Variants in VDAC1 observed in about 807,000 individuals in gnomAD.
VDAC1 encodes the protein voltage dependent anion channel 1.
Under a neutral mutation model 34.7 loss-of-function variants are expected in VDAC1, and 10 were observed. The observed-to-expected ratio is 0.29, with a 90% CI of 0.18 to 0.49. The LOEUF (loss-of-function observed/expected upper bound fraction) is 0.49, where lower values mean the gene tolerates loss of function less well. Ranked by LOEUF, VDAC1 falls within the 20% of genes least tolerant of loss-of-function variation. The probability of loss-of-function intolerance (pLI) is 0.99; values close to 1 mark genes in which losing one functional copy is unlikely to be tolerated. For missense variants in VDAC1, 230 were observed against 347.9 expected (o/e 0.66, Z 2.69); for synonymous variants, 130 against 136.0 (o/e 0.96, Z 0.30).
chr5:134,087,529 C>G, the VDAC1 span, among the ~76,000 whole-genome samples: 1 of 152,200 alleles, frequency 6.6e-6, no homozygotes, highest in Non-Finnish European at 1.5e-5. Context: ...AAAGGCAGTA[C>G]TCGCCTTCAT....
chr5:134,069,130 A>G, the VDAC1 span, among the ~76,000 whole-genome samples: 1 of 152,160 alleles, frequency 6.6e-6, no homozygotes, highest in Non-Finnish European at 1.5e-5. Context: ...CAGAAGAAAA[A>G]AAATGAATGT....
the VDAC1 span, among the ~76,000 whole-genome samples, chr5:134,069,283 C>T: frequency 3.9e-5 from 6 of 152,040 alleles, no homozygotes; most frequent in African/African-American, 7.2e-5. Flanking sequence ...GATGGAGGGG[C>T]CCATTTCAAT....
chr5:134,051,887 G>A, the VDAC1 span, among the ~76,000 whole-genome samples: 5 of 151,844 alleles, frequency 3.3e-5, no homozygotes, highest in Non-Finnish European at 7.4e-5. Flanking sequence ...TTGTAGAGAC[G>A]GGGTTTCACC....
the VDAC1 span, among the ~76,000 whole-genome samples, chr5:134,105,131 C>G: frequency 2.0e-5 from 3 of 152,328 alleles, no homozygotes; most frequent in South Asian, 6.2e-4. Context: ...GGATGACCAT[C>G]AGCAACCCTG....
intron 1 of VDAC1, among the ~76,000 whole-genome samples, chr5:133,997,473 G>A (rs1019078755): frequency 4.6e-5 from 7 of 151,466 alleles, no homozygotes; most frequent in African/African-American, 9.7e-5. Flanking sequence ...TGAGGTGGGC[G>A]GATCACTTCA....
chr5:134,035,980 C>T, the VDAC1 span, among the ~76,000 whole-genome samples: 6 of 146,586 alleles, frequency 4.1e-5, no homozygotes, highest in South Asian at 8.7e-4. Flanking sequence ...CACTCCAACC[C>T]GGACAACAGA....
Position 133,980,803 on chromosome 5 carries a change from A to C in VDAC1, c.477T>G (p.Thr159=). The C allele has an allele frequency of 6.3e-7, 1 of 1,592,736 alleles. No individual in the cohort carries two copies. Among genetic ancestry groups the C allele is most frequent in the Non-Finnish European group, 8.5e-7 (1 of 1,170,962 alleles). ...WLAGYQMNFE[T]AKSRVTQSNF... is the part of the protein sequence containing the mutation. ...TGCTCTGGGTCACTCGGGATTTTGCAGTCTCAAAATTCATCTGGTAGCCGG... is the reference window on the plus strand; with the variant it reads ...TGCTCTGGGTCACTCGGGATTTTGCCGTCTCAAAATTCATCTGGTAGCCGG... Residue 159 remains threonine, a synonymous_variant, in exon 6 of 9, where the codon ACT becomes ACG. Transcript: ENST00000265333.
the VDAC1 span, among the ~76,000 whole-genome samples, chr5:134,102,834 C>A: frequency 2.0e-5 from 3 of 152,066 alleles, no homozygotes; most frequent in Non-Finnish European, 4.4e-5. Context: ...AGGGTCCCTG[C>A]CTCTGGGCCT....
chr5:134,056,275 T>C, the VDAC1 span, among the ~76,000 whole-genome samples: 3 of 146,548 alleles, frequency 2.0e-5, no homozygotes, highest in Admixed American at 2.0e-4. Flanking sequence ...GATCTAGGGG[T>C]CTGTGATTTA....
intron 6 of VDAC1, 164 bp from the exon 7 acceptor site, chr5:133,976,185 T>A: frequency 1.3e-6 from 1 of 767,050 alleles, no homozygotes; most frequent in Non-Finnish European, 2.1e-6. Flanking sequence ...AAACAGGTAC[T>A]AAATTACAGG....
At chr5:134,107,430 T>C in the VDAC1 span, among the ~76,000 whole-genome samples, 1 of 152,202 alleles carries the variant, frequency 6.6e-6, no homozygotes, top group Non-Finnish European at 1.5e-5. Flanking sequence ...TTCCTCCCAT[T>C]AGTCCTGTCT....
the VDAC1 span, among the ~76,000 whole-genome samples, chr5:134,101,655 G>C: frequency 0.24 from 36,729 of 152,020 alleles, 5,963 homozygotes; most frequent in African/African-American, 0.44. Context: ...CATTGTTCCT[G>C]TCACCATTGT....
At chr5:134,097,764 G>A in the VDAC1 span, among the ~76,000 whole-genome samples, 4 of 152,226 alleles carry the variant, frequency 2.6e-5, no homozygotes, top group African/African-American at 9.6e-5. Context: ...GGAGCCAGAC[G>A]TCTAATTTTG....
chr5:134,095,515 A>AATAAATAC, the VDAC1 span, among the ~76,000 whole-genome samples: 1 of 150,040 alleles, frequency 6.7e-6, no homozygotes, highest in African/African-American at 2.5e-5. Flanking sequence ...TAAATAAATA[A>AATAAATAC]ATAAATAAAT....
the VDAC1 span, among the ~76,000 whole-genome samples, chr5:134,056,881 T>C: frequency 6.6e-6 from 1 of 151,912 alleles, no homozygotes; most frequent in African/African-American, 2.4e-5. Context: ...GATGGGTTTC[T>C]CCATGTTGAG....
At position 133,974,876 on chromosome 5, in the gene VDAC1, C is replaced by A. The variant is rs184506384; in HGVS notation, c.702+995G>T. Reference sequence around the variant, plus strand: ...GGTGAGGCAGTAGAATCACTTGAACCTGGGGGACGGAGGTTGCGCAGTGAG... The same window carrying A: ...GGTGAGGCAGTAGAATCACTTGAACATGGGGGACGGAGGTTGCGCAGTGAG... On this transcript the variant is annotated intron_variant, in intron 7 of 8. Transcript: ENST00000265333. 5.9e-5 allele frequency among the ~76,000 whole-genome samples: 9 copies of A among 151,968 alleles called. No homozygotes were observed. In the East Asian group the frequency reaches 1.5e-3, roughly 26 times the overall value.
the VDAC1 span, among the ~76,000 whole-genome samples, chr5:134,062,718 C>T: frequency 6.6e-6 from 1 of 151,624 alleles, no homozygotes; most frequent in African/African-American, 2.4e-5. Flanking sequence ...CCTCTACCTC[C>T]CAGATTCAAG....
chr5:134,070,521 C>A, the VDAC1 span, among the ~76,000 whole-genome samples: 2 of 152,070 alleles, frequency 1.3e-5, no homozygotes, highest in Non-Finnish European at 2.9e-5. Flanking sequence ...ATTTCAGAAA[C>A]GCCTAAGATA....
the VDAC1 span, among the ~76,000 whole-genome samples, chr5:134,108,797 G>C: frequency 1.3e-5 from 2 of 152,120 alleles, no homozygotes; most frequent in Non-Finnish European, 2.9e-5. Flanking sequence ...CTCTCCCCCA[G>C]GGCCTAGTTC....
Sources: allele counts gnomAD v4.1 joint callset (sites outside exome capture counted in the v4.1 genomes callset), GRCh38; gene constraint gnomAD v4.1.1; transcripts MANE v1.5; gene names NCBI Gene and HGNC (gene_info 2026-07-23, HGNC 2026-07-21).